AMPD2: variants seen among roughly 807,000 people sequenced by gnomAD.
AMPD2 encodes adenosine monophosphate deaminase 2.
AMPD2 carries 52 observed loss-of-function variants against 91.3 expected under a neutral mutation model. The ratio of observed to expected loss-of-function variants is 0.57; its 90% CI spans 0.46 to 0.72. The LOEUF is 0.72. Among genes scored for constraint, AMPD2 ranks in the 30% least tolerant of loss-of-function variants. The pLI is 0.00. For synonymous variants in AMPD2, 455 were observed against 456.4 expected, an observed-to-expected ratio of 1.00 and a Z score of 0.04; for missense variants, 822 against 1,122.3, an observed-to-expected ratio of 0.73 and a Z score of 3.82.
In AMPD2 at chr1:109,621,123, G is replaced by GCCCCAGCCGGTGCCGCTCAGACT; in HGVS notation, c.-48_-26dup. The stretch of plus-strand genomic sequence containing the variant: ...AAGGGGTTGGATGTGGCAGAGCCAG[G>GCCCCAGCCGGTGCCGCTCAGACT]CCCCAGCCGGTGCCGCTCAGACTCC... On this transcript the variant is annotated 5_prime_UTR_variant, in exon 2 of 19. Transcript: ENST00000528667. The GCCCCAGCCGGTGCCGCTCAGACT allele has an allele frequency of 6.3e-7, 1 of 1,595,702 alleles. No homozygotes were observed. The highest frequency in any genetic ancestry group is 8.5e-7 in the Non-Finnish European group (1 of 1,171,584).
intron 6 of AMPD2, 116 bp downstream of exon 6, chr1:109,626,543 A>T: frequency 7.8e-7 from 1 of 1,287,236 alleles, no homozygotes; most frequent in Non-Finnish European, 1.1e-6. Flanking sequence ...CAGCAGCTGG[A>T]GGGGCGGAGG....
Position 109,625,152 on chromosome 1 carries a change from C to A in AMPD2, c.92-151C>A, listed in dbSNP as rs1570582322. On this transcript the variant is annotated intron_variant, in intron 2 of 18. Coordinates refer to ENST00000528667, the MANE Select transcript of AMPD2 (RefSeq NM_001368809.2). This position sits in a 1 kb window ranked among gnomAD's most constrained non-coding sequence, Gnocchi z 4.0. ...GTGAGGGTGAGCCCTTTGGGAGCCA[C>A]ACACACAGGCCTACTCCTCAGCTAC... 1 of 1,114,468 alleles carries A rather than the reference C, an allele frequency of 9.0e-7. No homozygotes were observed. Among genetic ancestry groups the A allele is most frequent in the East Asian group, 2.6e-5 (1 of 39,072 alleles). 69.0% of individuals were successfully genotyped at this position (1,114,468 alleles called of 1,614,324 possible). A position where few individuals can be genotyped will look rare whatever the true frequency, so the allele number is the denominator to read the frequency against.
intron 9 of AMPD2, 34 bp from the exon 10 acceptor site, chr1:109,627,740 G>A (rs2101163146): frequency 1.9e-6 from 3 of 1,611,008 alleles, no homozygotes; most frequent in South Asian, 2.2e-5. Context: ...TCCCTTCAGG[G>A]CCTAAGTCCC....
chr1:109,626,552 G>A, intron 6 of AMPD2, 125 bp downstream of exon 6: 1 of 1,275,864 alleles, frequency 7.8e-7, no homozygotes, highest in Non-Finnish European at 1.1e-6. Flanking sequence ...GAGGGGCGGA[G>A]GGGCAGAGGG....
intron 6 of AMPD2, 48 bp downstream of exon 6, chr1:109,626,475 G>C: frequency 6.6e-7 from 1 of 1,524,620 alleles, no homozygotes; most frequent in Non-Finnish European, 8.8e-7. Context: ...CTATGTCTTA[G>C]TGGGTTCCCC....
chr1:109,630,740 G>A lies in AMPD2; in HGVS notation c.2215G>A (p.Asp739Asn). The change falls in exon 18 of 19, where the codon GAT becomes AAT. Residue 739 changes from aspartate to asparagine, a missense_variant. Asp to Asn is a conservative substitution (Grantham distance 23, BLOSUM62 1). Transcript: ENST00000528667. ...ATQVWKLSSC[D>N]MCELARNSVL... Reference sequence around the variant, plus strand: ...CCAGGTGTGGAAGCTCAGCTCCTGCGATATGTGTGAGCTGGCCCGCAACAG... The same window carrying A: ...CCAGGTGTGGAAGCTCAGCTCCTGCAATATGTGTGAGCTGGCCCGCAACAG... 1 of 1,612,074 alleles carries A rather than the reference G, an allele frequency of 6.2e-7. No homozygotes were observed. Among genetic ancestry groups the A allele is most frequent in the Non-Finnish European group, 8.5e-7 (1 of 1,179,406 alleles).
rs1651264783 is a variant in AMPD2, at chr1:109,631,475, G to C, written c.*323G>C. 2.2e-6 allele frequency: 1 copy of C among 447,708 alleles called. No individual in the cohort carries two copies. Among genetic ancestry groups the C allele is most frequent in the African/African-American group, 2.0e-5 (1 of 50,368 alleles). 27.7% of individuals were successfully genotyped at this position (447,708 alleles called of 1,614,324 possible). A position where few individuals can be genotyped will look rare whatever the true frequency, so the allele number is the denominator to read the frequency against. On this transcript the variant is annotated 3_prime_UTR_variant, in exon 19 of 19. Coordinates refer to ENST00000528667, the MANE Select transcript of AMPD2 (RefSeq NM_001368809.2). The stretch of plus-strand genomic sequence containing the variant: ...ACAGGGGCTTGGGATGGTTGTGGGG[G>C]GCTGGCCCCTCTAGCCTTTCCGGTC...
chr1:109,620,175 G>T lies in AMPD2; in HGVS notation c.-366G>T. The T allele has an allele frequency of 6.4e-7, 1 of 1,565,300 alleles. No homozygotes were observed. Among genetic ancestry groups the T allele is most frequent in the Non-Finnish European group, 8.8e-7 (1 of 1,136,154 alleles). On this transcript the variant is annotated 5_prime_UTR_variant, in exon 1 of 19. Transcript: ENST00000528667. ...GGGGCCCTTGGAGTGACTTGGCTGG[G>T]GTCTGTGGCCCGATCCCCCTGCCGT... is the stretch of plus-strand genomic sequence containing the variant.
Position 109,628,204 on chromosome 1 carries a change from C to T in AMPD2, c.1202C>T (p.Thr401Met), listed in dbSNP as rs751131036. The T allele has an allele frequency of 1.1e-5, 18 of 1,613,924 alleles. No homozygotes were observed. The highest frequency in any genetic ancestry group is 1.6e-4 in the Middle Eastern group (1 of 6,084). ...IVHVEQGREQ[T>M]LREVFESMNL... ...CACGTGGAGCAGGGCCGTGAACAGA[C>T]GCTGCGGGAGGTCTTTGAGAGCATG... Residue 401 changes from threonine (T) to methionine (M), a missense_variant, in exon 11 of 19, where the codon ACG becomes ATG. This residue lies in a region of AMPD2 where 430 missense variants were observed against 606.0 expected (regional missense o/e 0.71). Transcript: ENST00000528667. The surrounding 1 kb of genome is among the most constrained non-coding windows in gnomAD (Gnocchi z 7.1).
rs1650216430 is a variant in AMPD2, at chr1:109,621,164, G to C, written c.-12G>C. 6.3e-7 allele frequency: 1 copy of C among 1,599,604 alleles called. No homozygotes were observed. Among genetic ancestry groups the C allele is most frequent in the African/African-American group, 1.3e-5 (1 of 74,490 alleles). Reference sequence around the variant, plus strand: ...CTCAGACTCCCCCGCTGTCGCCGCCGTGGTCCCAGCCATGGCATCCTATCC... The same window carrying C: ...CTCAGACTCCCCCGCTGTCGCCGCCCTGGTCCCAGCCATGGCATCCTATCC... On this transcript the variant is annotated 5_prime_UTR_variant, in exon 2 of 19. Coordinates refer to ENST00000528667, the MANE Select transcript of AMPD2 (RefSeq NM_001368809.2).
chr1:109,620,407 G>C (rs1650143332), intron 1 of AMPD2, 129 bp downstream of exon 1: 2 of 1,431,648 alleles, frequency 1.4e-6, no homozygotes, highest in Non-Finnish European at 1.9e-6. Context: ...CCTCCCAGGA[G>C]GGCCTGGGGA....
chr1:109,622,844 C>G, intron 2 of AMPD2, among the ~76,000 whole-genome samples: 1 of 152,090 alleles, frequency 6.6e-6, no homozygotes, highest in East Asian at 1.9e-4. Flanking sequence ...TCGGCCTCCC[C>G]TAGAAGGAGT....
In AMPD2 at chr1:109,631,183, A is replaced by G. The variant is rs370498173; in HGVS notation, c.*31A>G. 3 of 1,550,168 alleles carry G rather than the reference A, an allele frequency of 1.9e-6. No homozygotes were observed. The African/African-American group carries it at 4.1e-5, about 21-fold the overall frequency. ...GTCCATGAAGTGCCCACCACATCGC[A>G]GCACTTTTACCACGTTTTGTCCTCA... On this transcript the variant is annotated 3_prime_UTR_variant, in exon 19 of 19. Transcript: ENST00000528667.
Position 109,629,157 on chromosome 1 carries a change from G to A in AMPD2, c.1620G>A (p.Leu540=). The A allele has an allele frequency of 2.5e-6, 4 of 1,614,074 alleles. No homozygotes were observed. Among genetic ancestry groups the A allele is most frequent in the Non-Finnish European group, 3.4e-6 (4 of 1,180,012 alleles). Residue 540 remains leucine (L), a synonymous_variant, in exon 14 of 19, where the codon CTG becomes CTA. Coordinates refer to ENST00000528667, the MANE Select transcript of AMPD2 (RefSeq NM_001368809.2). ...KGQLANFQEM[L]ENIFLPLFEA... ...AGCTGGCCAACTTCCAGGAGATGCT[G>A]GAGAACATCTTCCTGCCACTGTTCG...
Position 109,629,228 on chromosome 1 carries a change from T to C in AMPD2, c.1691T>C (p.Leu564Ser). Residue 564 changes from leucine (L) to serine (S), a missense_variant, in exon 14 of 19, where the codon TTA (leucine) becomes TCA (serine). By Grantham distance (145) the Leu-to-Ser change is moderately radical. Around this residue, in one of 5 missense-constraint regions of AMPD2, gnomAD observed 430 missense variants for 606.0 expected, o/e 0.71. Transcript: ENST00000528667. ...AGCCACCCGGAACTGCATCTCTTCT[T>C]AGAGCACGTGAGCAGGCAGCGCAGA... is the stretch of plus-strand genomic sequence containing the variant. ...PASHPELHLFLEHVDGFDSVD... is the reference protein window; with the variant it reads ...PASHPELHLFSEHVDGFDSVD... The C allele has an allele frequency of 6.2e-7, 1 of 1,614,098 alleles. No homozygotes were observed. The highest frequency in any genetic ancestry group is 8.5e-7 in the Non-Finnish European group (1 of 1,179,998).
At position 109,626,888 on chromosome 1, in the gene AMPD2, G is replaced by A. The variant is rs758973170; in HGVS notation, c.694G>A (p.Gly232Ser). The A allele has an allele frequency of 1.4e-5, 23 of 1,613,444 alleles. No individual in the cohort carries two copies. Among genetic ancestry groups the A allele is most frequent in the Admixed American group, 3.3e-5 (2 of 59,942 alleles). The change falls in exon 7 of 19, where the codon GGC becomes AGC. Residue 232 changes from glycine to serine, a missense_variant. Gly to Ser is a moderately conservative substitution (Grantham distance 56). Coordinates refer to ENST00000528667, the MANE Select transcript of AMPD2 (RefSeq NM_001368809.2). Reference protein sequence around the residue: ...KPLETRTYEQGPDTPVSADAP... With the variant: ...KPLETRTYEQSPDTPVSADAP... ...TCTGGAGACCCGGACCTATGAACAG[G>A]GCCCCGACACCCCTGTGTCTGCTGG...
chr1:109,627,324 G>A lies in AMPD2; in HGVS notation c.860+8G>A. ...CAGGGAACCCGACGAGCAGTAAGAG[G>A]GGTGTGGTGCATGTTGGGGGGATGC... On this transcript the variant is annotated splice_region_variant and intron_variant, in intron 8 of 18. Transcript: ENST00000528667. The A allele has an allele frequency of 6.2e-7, 1 of 1,606,458 alleles. No homozygotes were observed. The highest frequency in any genetic ancestry group is 8.5e-7 in the Non-Finnish European group (1 of 1,174,654).
intron 13 of AMPD2, 43 bp from the exon 14 acceptor site, chr1:109,629,066 C>T (rs765745083): frequency 6.2e-7 from 1 of 1,604,254 alleles, no homozygotes; most frequent in Non-Finnish European, 8.5e-7. Flanking sequence ...TTTCCTCCCA[C>T]TGGCCCTGAC....
Position 109,624,859 on chromosome 1 carries a change from G to A in AMPD2, c.92-444G>A, listed in dbSNP as rs1401994991. ...TGATCCTGGGTTGCCTGCCCTGGGA[G>A]CTGCAGGCTGGGGGTCCCTGGTGTG... On this transcript the variant is annotated intron_variant, in intron 2 of 18. Transcript: ENST00000528667. The surrounding 1 kb of genome is among the most constrained non-coding windows in gnomAD (Gnocchi z 5.2). Among the ~76,000 whole-genome samples the A allele has an allele frequency of 6.6e-6, 1 of 152,144 alleles. No individual in the cohort carries two copies. Among genetic ancestry groups the A allele is most frequent in the African/African-American group, 2.4e-5 (1 of 41,436 alleles).
Sources: allele counts gnomAD v4.1 joint callset (sites outside exome capture counted in the v4.1 genomes callset), GRCh38; gene constraint gnomAD v4.1.1; regional missense constraint gnomAD v4.1.1; non-coding constraint Gnocchi (gnomAD v3.1); transcripts MANE v1.5; gene names NCBI Gene and HGNC (gene_info 2026-07-23, HGNC 2026-07-21).